Variants in RAD54L2 observed in about 807,000 individuals in gnomAD.
The protein encoded by RAD54L2 is RAD54 like 2.
RAD54L2 carries 27 observed loss-of-function variants against 138.4 expected under a neutral mutation model. The ratio of observed to expected loss-of-function variants is 0.20; its 90% CI spans 0.14 to 0.27. The LOEUF is 0.27. RAD54L2 is among the 10% of genes least tolerant of loss of function. RAD54L2 has a pLI of 1.00. For synonymous variants in RAD54L2, 644 were observed against 723.2 expected (o/e 0.89, Z 1.76); for missense variants, 1,396 against 1,890.2 (o/e 0.74, Z 4.85).
chr3:51,654,494 C>A (rs1701544971), intron 19 of RAD54L2, among the ~76,000 whole-genome samples: 1 of 152,158 alleles, frequency 6.6e-6, no homozygotes, highest in Non-Finnish European at 1.5e-5. Flanking sequence ...TGGAGACCAG[C>A]CTTGGCAACA....
At chr3:51,642,381 T>A (rs930469567) in intron 15 of RAD54L2, among the ~76,000 whole-genome samples, 1 of 151,334 alleles carries the variant, frequency 6.6e-6, no homozygotes. Flanking sequence ...TTTTAAAATG[T>A]GTAAGTCAAG....
chr3:51,590,913 C>G (rs1435939991), intron 3 of RAD54L2, among the ~76,000 whole-genome samples: 1 of 152,158 alleles, frequency 6.6e-6, no homozygotes, highest in Non-Finnish European at 1.5e-5. Flanking sequence ...ATGGGCTCTT[C>G]AGGTAGATGT....
intron 22 of RAD54L2, among the ~76,000 whole-genome samples, chr3:51,660,943 C>T (rs1201002897): frequency 2.0e-5 from 3 of 146,388 alleles, no homozygotes; most frequent in South Asian, 4.4e-4. Flanking sequence ...CCACCATGGT[C>T]GCAGACATCC....
intron 2 of RAD54L2, among the ~76,000 whole-genome samples, chr3:51,545,082 C>G (rs1213952662): frequency 1.3e-5 from 2 of 152,204 alleles, no homozygotes; most frequent in South Asian, 2.1e-4. Context: ...TCTGCTCAGT[C>G]TAATACTGTA....
intron 3 of RAD54L2, among the ~76,000 whole-genome samples, chr3:51,598,093 TGATATATATATATATATGTGTGTGTG>T (rs1700004535): frequency 6.7e-6 from 1 of 149,276 alleles, no homozygotes; most frequent in Non-Finnish European, 1.5e-5. Flanking sequence ...AAAATACCCA[TGATATATATATATATATGTGTGTGTG>T]TATATATATA....
At chr3:51,588,799 G>T (rs1699771324) in intron 2 of RAD54L2, among the ~76,000 whole-genome samples, 1 of 152,140 alleles carries the variant, frequency 6.6e-6, no homozygotes, top group South Asian at 2.1e-4. Context: ...GCAAATGATG[G>T]ACTGAATGTG....
intron 2 of RAD54L2, among the ~76,000 whole-genome samples, chr3:51,559,180 G>A (rs1006158117): frequency 2.6e-5 from 4 of 152,128 alleles, no homozygotes; most frequent in Admixed American, 2.6e-4. Context: ...GAACCACTGC[G>A]CCTGGCCGAC....
intron 2 of RAD54L2, among the ~76,000 whole-genome samples, chr3:51,554,524 C>CAATA (rs747180756): frequency 8.5e-4 from 129 of 151,718 alleles, no homozygotes; most frequent in East Asian, 1.2e-3. Flanking sequence ...AACTCCATCT[C>CAATA]AATAAATAAA....
chr3:51,632,594 C>T (rs1219684433), intron 7 of RAD54L2, among the ~76,000 whole-genome samples: 1 of 148,940 alleles, frequency 6.7e-6, no homozygotes, highest in Non-Finnish European at 1.5e-5. Context: ...CATGCCTGGC[C>T]TGTTAAAGAG....
At chr3:51,572,202 A>G (rs1280166153) in intron 2 of RAD54L2, among the ~76,000 whole-genome samples, 1 of 152,170 alleles carries the variant, frequency 6.6e-6, no homozygotes, top group Non-Finnish European at 1.5e-5. Flanking sequence ...TAATCTAAGC[A>G]CTTTGGGAGG....
At chr3:51,571,543 T>C (rs1178080219) in intron 2 of RAD54L2, among the ~76,000 whole-genome samples, 1 of 151,944 alleles carries the variant, frequency 6.6e-6, no homozygotes. Context: ...TGCATCACTA[T>C]TTTTAGTAGA....
At chr3:51,622,206 T>C (rs1700581400) in intron 3 of RAD54L2, among the ~76,000 whole-genome samples, 1 of 152,218 alleles carries the variant, frequency 6.6e-6, no homozygotes, top group South Asian at 2.1e-4. Flanking sequence ...AGCTCTACTT[T>C]GAAACTTCTC....
rs987919898 is a variant in RAD54L2, at chr3:51,588,185, C to CAAAAAAA, written c.-54-2161_-54-2155dup. Reference sequence around the variant, plus strand: ...TGGGTGACAGAGTGAGACTCCATCTCAAAAAAAAAAAAAAAAAAAAAAAAA... The same window carrying CAAAAAAA: ...TGGGTGACAGAGTGAGACTCCATCTCAAAAAAAAAAAAAAAAAAAAAAAAAAAAAAAA... On this transcript the variant is annotated intron_variant, in intron 2 of 22. Coordinates refer to ENST00000684192, the MANE Select transcript of RAD54L2 (RefSeq NM_015106.4). Among the ~76,000 whole-genome samples, 12 of 12,724 alleles carry CAAAAAAA rather than the reference C, an allele frequency of 9.4e-4. 1 individual carries two copies. Among genetic ancestry groups the CAAAAAAA allele is most frequent in the African/African-American group, 3.6e-3 (12 of 3,358 alleles). The allele number at this position is 12,724 out of a possible 152,430, so 8.3% of individuals were successfully genotyped here. A position where few individuals can be genotyped will look rare whatever the true frequency, so the allele number is the denominator to read the frequency against.
intron 2 of RAD54L2, among the ~76,000 whole-genome samples, chr3:51,557,702 C>A: frequency 6.6e-6 from 1 of 151,368 alleles, no homozygotes; most frequent in Admixed American, 6.6e-5. Context: ...TGGTGGCGGG[C>A]GCCTGTAATG....
intron 19 of RAD54L2, among the ~76,000 whole-genome samples, chr3:51,654,206 C>T (rs1030143344): frequency 6.6e-5 from 10 of 152,030 alleles, no homozygotes; most frequent in Admixed American, 3.3e-4. Flanking sequence ...CACCACCACG[C>T]GTGGCTAATT....
rs1483801312 is a variant in RAD54L2 at position 51,638,070 on chromosome 3, G to T, written c.1683-74G>T. 1 of 1,424,202 alleles carries T rather than the reference G, an allele frequency of 7.0e-7. No homozygotes were observed. The highest frequency in any genetic ancestry group is 9.7e-7 in the Non-Finnish European group (1 of 1,031,052). The allele number at this position is 1,424,202 out of a possible 1,614,324, so 88.2% of individuals were successfully genotyped here. On this transcript the variant is annotated intron_variant, in intron 11 of 22. Coordinates refer to ENST00000684192, the MANE Select transcript of RAD54L2 (RefSeq NM_015106.4). This position sits in a 1 kb window ranked among gnomAD's most constrained non-coding sequence, Gnocchi z 4.3. ...AGGGAGGTGTGGCAGGAGTGCAAAA[G>T]GCTCTGTTTTTATCTTGTGCTGACC... is the stretch of plus-strand genomic sequence containing the variant.
At chr3:51,565,915 GCCTCCCGGGTTCCTC>G (rs1699206954) in intron 2 of RAD54L2, among the ~76,000 whole-genome samples, 1 of 135,260 alleles carries the variant, frequency 7.4e-6, no homozygotes, top group Non-Finnish European at 1.5e-5. Flanking sequence ...TGCAAGCTCT[GCCTCCCGGGTTCCTC>G]CCATTCTCCT....
intron 2 of RAD54L2, among the ~76,000 whole-genome samples, chr3:51,557,481 C>T (rs1377752951): frequency 2.0e-5 from 3 of 151,686 alleles, no homozygotes; most frequent in African/African-American, 7.3e-5. Flanking sequence ...CTGCACCAGG[C>T]TGTTGTTGGC....
rs148002319 is a variant in RAD54L2 at position 51,641,006 on chromosome 3, T to C, written c.2232-743T>C. 5.9e-5 allele frequency among the ~76,000 whole-genome samples: 9 copies of C among 152,268 alleles called. 1 individual carries two copies. In the East Asian group the frequency reaches 1.7e-3, roughly 29 times the overall value. On this transcript the variant is annotated intron_variant, in intron 14 of 22. Transcript: ENST00000684192. ...GTTACCTCTTTCTGTTTCTTTTTCTTTTTCTTTTTTTTTGAGATGGAGTTT... is the reference window on the plus strand; with the variant it reads ...GTTACCTCTTTCTGTTTCTTTTTCTCTTTCTTTTTTTTTGAGATGGAGTTT...
Sources: gnomAD v4.1 joint callset for allele counts (sites outside exome capture counted in the v4.1 genomes callset) on GRCh38, gnomAD v4.1.1 for gene constraint, Gnocchi (gnomAD v3.1) non-coding constraint, MANE v1.5 for transcripts, NCBI Gene and HGNC (gene_info 2026-07-23, HGNC 2026-07-21) for gene names.